The following OR51M1 variants were observed in gnomAD, a reference collection of about 807,000 sequenced individuals.
The protein encoded by OR51M1 is olfactory receptor 51M1.
For missense variants in OR51M1, 509 were observed against 404.4 expected (o/e 1.26, Z -2.22); for synonymous variants, 199 against 155.1 (o/e 1.28, Z -2.10).
Position 5,391,144 on chromosome 11 carries a change from A to T in OR51M1, c.*765A>T, listed in dbSNP as rs7395015. On this transcript the variant is annotated 3_prime_UTR_variant, in exon 3 of 3. Coordinates refer to ENST00000642046, the MANE Select transcript of OR51M1 (RefSeq NM_001004756.3). The stretch of plus-strand genomic sequence containing the variant: ...GAGAAAGCTTCAGCCAAGGAAACTC[A>T]CACAAACATATTGAAGTCACAATCC... 120,081 of 152,226 alleles carry T rather than the reference A, an allele frequency of 0.79. 47,744 individuals carry two copies. The highest frequency in any genetic ancestry group is 0.84 in the Middle Eastern group (246 of 294). 9.4% of individuals were successfully genotyped at this position (152,226 alleles called of 1,614,324 possible).
intron 2 of OR51M1, among the ~76,000 whole-genome samples, chr11:5,385,754 CATAT>C: frequency 6.7e-6 from 1 of 148,644 alleles, no homozygotes; most frequent in East Asian, 2.0e-4. Context: ...TATTTGTTTA[CATAT>C]ATAAATATAC....
chr11:5,385,308 C>T (rs1849670122), intron 1 of OR51M1, 45 bp from the exon 2 acceptor site: 1 of 152,160 alleles, frequency 6.6e-6, no homozygotes. Context: ...AGGAAGTATA[C>T]TTTCCAAGAG....
chr11:5,385,195 ACTC>A (rs1179050865), intron 1 of OR51M1, among the ~76,000 whole-genome samples, 155 bp from the exon 2 acceptor site: 1 of 151,736 alleles, frequency 6.6e-6, no homozygotes, highest in Non-Finnish European at 1.5e-5. Flanking sequence ...CTCTGAGTGG[ACTC>A]CTCCATTGCT....
At chr11:5,388,090 A>C (rs1262249824) in intron 2 of OR51M1, among the ~76,000 whole-genome samples, 1 of 152,156 alleles carries the variant, frequency 6.6e-6, no homozygotes, top group African/African-American at 2.4e-5. Flanking sequence ...GAATCAATTA[A>C]TGAATAATTA....
In OR51M1 at chr11:5,390,445, G is replaced by A; in HGVS notation, c.*66G>A. 2.2e-6 allele frequency: 3 copies of A among 1,359,842 alleles called. No individual in the cohort carries two copies. The highest frequency in any genetic ancestry group is 3.0e-6 in the Non-Finnish European group (3 of 1,011,216). The allele number at this position is 1,359,842 out of a possible 1,614,324, so 84.2% of individuals were successfully genotyped here. ...CCCCAAATTGGACTGAAAATTTGGA[G>A]TATTGAGTATATAGCATGCTCTTAA... On this transcript the variant is annotated 3_prime_UTR_variant, in exon 3 of 3. Transcript: ENST00000642046.
intron 2 of OR51M1, among the ~76,000 whole-genome samples, chr11:5,387,024 G>A (rs1369948688): frequency 2.0e-5 from 3 of 152,118 alleles, no homozygotes; most frequent in East Asian, 1.9e-4. Context: ...GATATGTAAC[G>A]GAGTTATCTG....
At chr11:5,387,814 T>C (rs1449234882) in intron 2 of OR51M1, among the ~76,000 whole-genome samples, 1 of 152,206 alleles carries the variant, frequency 6.6e-6, no homozygotes, top group African/African-American at 2.4e-5. Flanking sequence ...AGGTCTTCTC[T>C]GACTACCCTA....
chr11:5,387,655 G>A (rs1849718943), intron 2 of OR51M1, among the ~76,000 whole-genome samples: 2 of 152,026 alleles, frequency 1.3e-5, no homozygotes, highest in African/African-American at 4.8e-5. Flanking sequence ...AATATACATT[G>A]GCCTTCTTTT....
chr11:5,385,497 C>CA (rs199761927), intron 2 of OR51M1, 39 bp downstream of exon 2: 2 of 125,416 alleles, frequency 1.6e-5, no homozygotes, highest in African/African-American at 2.8e-5. Flanking sequence ...GTTTTTCATG[C>CA]AAAAAAATAT....
chr11:5,386,097 A>G (rs934509749), intron 2 of OR51M1, among the ~76,000 whole-genome samples: 3 of 152,160 alleles, frequency 2.0e-5, no homozygotes, highest in Non-Finnish European at 4.4e-5. Context: ...TGACAGAAGA[A>G]GTGATATTTG....
Position 5,391,231 on chromosome 11 carries a change from A to G in OR51M1, c.*852A>G, listed in dbSNP as rs1849791184. 6.6e-6 allele frequency: 1 copy of G among 152,248 alleles called. No homozygotes were observed. Among genetic ancestry groups the G allele is most frequent in the South Asian group, 2.1e-4 (1 of 4,828 alleles). 9.4% of individuals were successfully genotyped at this position (152,248 alleles called of 1,614,324 possible). A position where few individuals can be genotyped will look rare whatever the true frequency, so the allele number is the denominator to read the frequency against. Reference sequence around the variant, plus strand: ...TCAGCCTGTCCCTACGAGTGACTAAATGCAATCCTTGCAGGGGTCTCAGCT... The same window carrying G: ...TCAGCCTGTCCCTACGAGTGACTAAGTGCAATCCTTGCAGGGGTCTCAGCT... On this transcript the variant is annotated 3_prime_UTR_variant, in exon 3 of 3. Coordinates refer to ENST00000642046, the MANE Select transcript of OR51M1 (RefSeq NM_001004756.3).
At position 5,389,443 on chromosome 11, in the gene OR51M1, C is replaced by T; in HGVS notation, c.45C>T (p.Ser15=). ...YSLSPQFMLL[S]NITQFSPIFY... is the part of the protein sequence containing the mutation. ...TCAGTCCTCAATTCATGCTGCTATCCAACATTACTCAGTTTAGCCCCATAT... is the reference window on the plus strand; with the variant it reads ...TCAGTCCTCAATTCATGCTGCTATCTAACATTACTCAGTTTAGCCCCATAT... Residue 15 remains serine (S), a synonymous_variant, in exon 3 of 3, where the codon TCC becomes TCT. Coordinates refer to ENST00000642046, the MANE Select transcript of OR51M1 (RefSeq NM_001004756.3). 1 of 1,613,890 alleles carries T rather than the reference C, an allele frequency of 6.2e-7. No individual in the cohort carries two copies. Among genetic ancestry groups the T allele is most frequent in the East Asian group, 2.2e-5 (1 of 44,886 alleles).
chr11:5,389,324 A>G, intron 2 of OR51M1, 60 bp from the exon 3 acceptor site: 2 of 1,377,810 alleles, frequency 1.5e-6, no homozygotes, highest in South Asian at 2.6e-5. Context: ...ACTGCTTGTG[A>G]TGTTGTGAAT....
chr11:5,389,553 C>T lies in OR51M1; in HGVS notation c.155C>T (p.Ser52Leu). The change falls in exon 3 of 3, where the codon TCA becomes TTA. Residue 52 changes from serine (S) to leucine (L), a missense_variant. Physicochemically the swap from Ser to Leu is moderately radical, Grantham distance 145 (BLOSUM62 -2). Transcript: ENST00000642046. Reference sequence around the variant, plus strand: ...TTCTTTATGTACATGGTTGCCATCTCAGGCAATTGTTTCATTCTGATCATT... The same window carrying T: ...TTCTTTATGTACATGGTTGCCATCTTAGGCAATTGTTTCATTCTGATCATT... Reference protein sequence around the residue: ...PFFFMYMVAISGNCFILIIIK... With the variant: ...PFFFMYMVAILGNCFILIIIK... 1 of 1,613,968 alleles carries T rather than the reference C, an allele frequency of 6.2e-7. No homozygotes were observed.
intron 2 of OR51M1, among the ~76,000 whole-genome samples, chr11:5,387,979 A>C (rs901577763): frequency 5.9e-5 from 9 of 152,146 alleles, no homozygotes; most frequent in African/African-American, 2.2e-4. Context: ...AAGTAATTGC[A>C]GTTCTTGCCA....
chr11:5,387,450 T>C (rs10742660), intron 2 of OR51M1, among the ~76,000 whole-genome samples: 118,790 of 152,062 alleles, frequency 0.78, 46,809 homozygotes, highest in Middle Eastern at 0.84. Context: ...AAAAGATAAA[T>C]GTGGACTATT....
At chr11:5,386,841 AG>A (rs905817470) in intron 2 of OR51M1, among the ~76,000 whole-genome samples, 4 of 52,238 alleles carry the variant, frequency 7.7e-5, no homozygotes, top group Admixed American at 3.7e-4. Flanking sequence ...GTAGAGCATC[AG>A]CTCAAAAATG....
intron 2 of OR51M1, among the ~76,000 whole-genome samples, chr11:5,388,640 CG>C (rs1473424202): frequency 6.7e-6 from 1 of 150,202 alleles, no homozygotes; most frequent in East Asian, 1.9e-4. Flanking sequence ...AGGATATACA[CG>C]GAGAGAAAAT....
chr11:5,390,297 A>G lies in OR51M1; in HGVS notation c.899A>G (p.Asn300Ser). The G allele has an allele frequency of 6.2e-7, 1 of 1,613,552 alleles. No homozygotes were observed. Among genetic ancestry groups the G allele is most frequent in the Non-Finnish European group, 8.5e-7 (1 of 1,179,826 alleles). Residue 300 changes from asparagine (N) to serine (S), a missense_variant, in exon 3 of 3, where the codon AAC becomes AGC. Coordinates refer to ENST00000642046, the MANE Select transcript of OR51M1 (RefSeq NM_001004756.3). ...TACCTTTTTGTGCCTCCCATGCTTA[A>G]CCCAATCATATACAGCATTAAGACC... is the stretch of plus-strand genomic sequence containing the variant. ...NVYLFVPPML[N>S]PIIYSIKTKE... is the part of the protein sequence containing the mutation.
Sources: gnomAD v4.1 joint callset for allele counts (sites outside exome capture counted in the v4.1 genomes callset) on GRCh38, gnomAD v4.1.1 for gene constraint, MANE v1.5 for transcripts, NCBI Gene and HGNC (gene_info 2026-07-23, HGNC 2026-07-21) for gene names.